CDC42EP2: variants seen among roughly 807,000 people sequenced by gnomAD.
CDC42EP2 encodes the protein CDC42 effector protein 2, also known as CDC42 effector protein (Rho GTPase binding) 2.
CDC42EP2 carries 5 observed loss-of-function variants against 7.3 expected under a neutral mutation model. That is an observed-to-expected ratio of 0.68 (90% CI 0.36 to 1.44). CDC42EP2 has a LOEUF of 1.44. Among genes scored for constraint, CDC42EP2 ranks in the 40% most tolerant of loss-of-function variants. CDC42EP2 has a pLI of 0.04. For missense variants in CDC42EP2, 251 were observed against 282.6 expected (o/e 0.89, Z 0.80); for synonymous variants, 113 against 123.6 (o/e 0.91, Z 0.57).
chr11:65,316,701 CTG>C (rs779864890), intron 1 of CDC42EP2, among the ~76,000 whole-genome samples: 10 of 152,196 alleles, frequency 6.6e-5, no homozygotes, highest in East Asian at 1.9e-4. Context: ...AGATGAGAAA[CTG>C]TGCGTGGCAA....
rs950066981 is a variant in CDC42EP2 at position 65,315,446 on chromosome 11, C to T, written c.-356+492C>T. Reference sequence around the variant, plus strand: ...CCCGTGGGAGGGGCGGGGGCCCGCACGCCCGAGCTCTGGCCCTGTGCCGAG... The same window carrying T: ...CCCGTGGGAGGGGCGGGGGCCCGCATGCCCGAGCTCTGGCCCTGTGCCGAG... On this transcript the variant is annotated intron_variant, in intron 1 of 1. Coordinates refer to ENST00000279249, the MANE Select transcript of CDC42EP2 (RefSeq NM_006779.4). The surrounding 1 kb of genome is among the most constrained non-coding windows in gnomAD (Gnocchi z 4.1). 6.6e-6 allele frequency among the ~76,000 whole-genome samples: 1 copy of T among 152,194 alleles called. No individual in the cohort carries two copies. The highest frequency in any genetic ancestry group is 1.5e-5 in the Non-Finnish European group (1 of 68,024).
In CDC42EP2 at chr11:65,315,646, T is replaced by C. The variant is rs535155489; in HGVS notation, c.-356+692T>C. 1.1e-4 allele frequency among the ~76,000 whole-genome samples: 16 copies of C among 152,328 alleles called. No homozygotes were observed. The highest frequency in any genetic ancestry group is 1.9e-4 in the Non-Finnish European group (13 of 68,020). ...ATCTGGTACTTGAACGCGCAGCTCC[T>C]TGGGGACCGCCTGCCTGGAGCCCGG... On this transcript the variant is annotated intron_variant, in intron 1 of 1. Coordinates refer to ENST00000279249, the MANE Select transcript of CDC42EP2 (RefSeq NM_006779.4). This position sits in a 1 kb window ranked among gnomAD's most constrained non-coding sequence, Gnocchi z 4.1.
In CDC42EP2 at chr11:65,321,451, G is replaced by C. The variant is rs145388901; in HGVS notation, c.553G>C (p.Val185Leu). The C allele has an allele frequency of 2.5e-6, 4 of 1,613,652 alleles. No homozygotes were observed. Among genetic ancestry groups the C allele is most frequent in the Non-Finnish European group, 3.4e-6 (4 of 1,179,994 alleles). The change falls in exon 2 of 2, where the codon GTG becomes CTG. Residue 185 changes from valine to leucine, a missense_variant. Coordinates refer to ENST00000279249, the MANE Select transcript of CDC42EP2 (RefSeq NM_006779.4). This position sits in a 1 kb window ranked among gnomAD's most constrained non-coding sequence, Gnocchi z 4.4. The part of the protein sequence containing the change: ...SNASSLLSLH[V>L]DLGPSILDDV... ...TGCCAGCTCCCTGCTGTCCCTGCAC[G>C]TGGACCTGGGGCCTTCCATCCTGGA...
In CDC42EP2 at chr11:65,315,289, T is replaced by C. The variant is rs1195568152; in HGVS notation, c.-356+335T>C. Among the ~76,000 whole-genome samples, 1 of 152,152 alleles carries C rather than the reference T, an allele frequency of 6.6e-6. No homozygotes were observed. Among genetic ancestry groups the C allele is most frequent in the Non-Finnish European group, 1.5e-5 (1 of 68,012 alleles). ...GGCTGGGGGCCGTATTTTTAGCCGATAGTGAGTTGTTCTCCTATCTTTAGC... is the reference window on the plus strand; with the variant it reads ...GGCTGGGGGCCGTATTTTTAGCCGACAGTGAGTTGTTCTCCTATCTTTAGC... On this transcript the variant is annotated intron_variant, in intron 1 of 1. Transcript: ENST00000279249. The surrounding 1 kb of genome is among the most constrained non-coding windows in gnomAD (Gnocchi z 4.1).
rs11333656 is a variant in CDC42EP2 at position 65,318,868 on chromosome 11, C to CTTT, written c.-355-1639_-355-1637dup. ...TACAGAAGTGAGCCACTGCACCTGA[C>CTTT]TTTTTTTTTTTTTTTTTTTTTTTTT... is the stretch of plus-strand genomic sequence containing the variant. On this transcript the variant is annotated intron_variant, in intron 1 of 1. Coordinates refer to ENST00000279249, the MANE Select transcript of CDC42EP2 (RefSeq NM_006779.4). Among the ~76,000 whole-genome samples, 12 of 25,578 alleles carry CTTT rather than the reference C, an allele frequency of 4.7e-4. 5 individuals are homozygous for CTTT. Among genetic ancestry groups the CTTT allele is most frequent in the Admixed American group, 1.3e-3 (2 of 1,558 alleles). The allele number at this position is 25,578 out of a possible 152,430, so 16.8% of individuals were successfully genotyped here.
At chr11:65,316,633 A>C (rs890745113) in intron 1 of CDC42EP2, among the ~76,000 whole-genome samples, 4 of 152,208 alleles carry the variant, frequency 2.6e-5, no homozygotes, top group Non-Finnish European at 5.9e-5. Flanking sequence ...TCTGAGGTTC[A>C]GCTTCGACTT....
rs1240799006 is a variant in CDC42EP2, at chr11:65,315,361, G to A, written c.-356+407G>A. On this transcript the variant is annotated intron_variant, in intron 1 of 1. Transcript: ENST00000279249. The surrounding 1 kb of genome is among the most constrained non-coding windows in gnomAD (Gnocchi z 4.1). ...ACGGATCCGGGCTGGGCTGGGCTCCGCCCGGGTAGGAGTGGGGAGGGGTCG... is the reference window on the plus strand; with the variant it reads ...ACGGATCCGGGCTGGGCTGGGCTCCACCCGGGTAGGAGTGGGGAGGGGTCG... Among the ~76,000 whole-genome samples the A allele has an allele frequency of 6.6e-6, 1 of 152,186 alleles. No individual in the cohort carries two copies. The highest frequency in any genetic ancestry group is 2.4e-5 in the African/African-American group (1 of 41,458).
Position 65,320,668 on chromosome 11 carries a change from C to CGT in CDC42EP2, c.-229_-228dup. On this transcript the variant is annotated 5_prime_UTR_variant, in exon 2 of 2. Transcript: ENST00000279249. ...AGAGTTTGCCGTCCTTTGGGGAGAACGTGATTTTTGTTATCTCAGCCCACT... is the reference window on the plus strand; with the variant it reads ...AGAGTTTGCCGTCCTTTGGGGAGAACGTGTGATTTTTGTTATCTCAGCCCACT... The CGT allele has an allele frequency of 3.7e-6, 2 of 538,216 alleles. No homozygotes were observed. Among genetic ancestry groups the CGT allele is most frequent in the Non-Finnish European group, 6.7e-6 (2 of 300,098 alleles). 33.3% of individuals were successfully genotyped at this position (538,216 alleles called of 1,614,324 possible).
At position 65,320,784 on chromosome 11, in the gene CDC42EP2, G is replaced by C; in HGVS notation, c.-115G>C. 8.8e-7 allele frequency: 1 copy of C among 1,134,220 alleles called. No homozygotes were observed. Among genetic ancestry groups the C allele is most frequent in the Middle Eastern group, 2.7e-4 (1 of 3,662 alleles). 70.3% of individuals were successfully genotyped at this position (1,134,220 alleles called of 1,614,324 possible). A position where few individuals can be genotyped will look rare whatever the true frequency, so the allele number is the denominator to read the frequency against. ...GCCAGAAGCCCGTTGGCGAGCTCTG[G>C]CACCTGCAAACCACCCCGTGGAACG... On this transcript the variant is annotated 5_prime_UTR_variant, in exon 2 of 2. Coordinates refer to ENST00000279249, the MANE Select transcript of CDC42EP2 (RefSeq NM_006779.4).
Position 65,321,184 on chromosome 11 carries a change from C to G in CDC42EP2, c.286C>G (p.Leu96Val). The G allele has an allele frequency of 2.5e-6, 4 of 1,614,064 alleles. No individual in the cohort carries two copies. The highest frequency in any genetic ancestry group is 3.4e-6 in the Non-Finnish European group (4 of 1,179,972). Residue 96 changes from leucine to valine, a missense_variant, in exon 2 of 2, where the codon CTC becomes GTC. Leu to Val is a conservative substitution (Grantham distance 32). Transcript: ENST00000279249. The surrounding 1 kb of genome is among the most constrained non-coding windows in gnomAD (Gnocchi z 4.4). ...TRTATVCGRELPDGPSPLLKN... is the reference protein window; with the variant it reads ...TRTATVCGREVPDGPSPLLKN... The stretch of plus-strand genomic sequence containing the variant: ...CACCGCCACCGTGTGTGGGCGGGAG[C>G]TCCCGGACGGCCCATCCCCTCTGCT...
In CDC42EP2 at chr11:65,321,155, C is replaced by T. The variant is rs751634350; in HGVS notation, c.257C>T (p.Thr86Ile). The T allele has an allele frequency of 6.2e-7, 1 of 1,614,130 alleles. No individual in the cohort carries two copies. The highest frequency in any genetic ancestry group is 8.5e-7 in the Non-Finnish European group (1 of 1,179,988). Residue 86 changes from threonine to isoleucine, a missense_variant, in exon 2 of 2, where the codon ACC becomes ATC. Transcript: ENST00000279249. This position sits in a 1 kb window ranked among gnomAD's most constrained non-coding sequence, Gnocchi z 4.4. ...ACCTTCGACCTCCCCTTCCAGTTCA[C>T]CCGCACCGCCACCGTGTGTGGGCGG... Reference protein sequence around the residue: ...DGTFDLPFQFTRTATVCGREL... With the variant: ...DGTFDLPFQFIRTATVCGREL...
At position 65,321,715 on chromosome 11, in the gene CDC42EP2, C is replaced by T; in HGVS notation, c.*184C>T. On this transcript the variant is annotated 3_prime_UTR_variant, in exon 2 of 2. Transcript: ENST00000279249. The surrounding 1 kb of genome is among the most constrained non-coding windows in gnomAD (Gnocchi z 4.4). Reference sequence around the variant, plus strand: ...TCCACGTGGGCAGGGCAGGCCCCATCGCTTTCCTCTGATAACCACATGGAC... The same window carrying T: ...TCCACGTGGGCAGGGCAGGCCCCATTGCTTTCCTCTGATAACCACATGGAC... 2 of 621,508 alleles carry T rather than the reference C, an allele frequency of 3.2e-6. No homozygotes were observed. The highest frequency in any genetic ancestry group is 2.2e-5 in the South Asian group (1 of 46,240). 38.5% of individuals were successfully genotyped at this position (621,508 alleles called of 1,614,324 possible).
At position 65,320,858 on chromosome 11, in the gene CDC42EP2, C is replaced by T. The variant is rs374784454; in HGVS notation, c.-41C>T. The stretch of plus-strand genomic sequence containing the variant: ...GGAGAGGAGGTGTGGTCTCAGCAGG[C>T]GGCCCGTAGCCTCACAGCCAGGCCT... On this transcript the variant is annotated 5_prime_UTR_variant, in exon 2 of 2. Transcript: ENST00000279249. The T allele has an allele frequency of 1.6e-5, 25 of 1,556,342 alleles. No individual in the cohort carries two copies. The highest frequency in any genetic ancestry group is 2.4e-5 in the South Asian group (2 of 82,584).
chr11:65,319,126 CCT>C (rs1447946931), intron 1 of CDC42EP2, among the ~76,000 whole-genome samples: 4 of 148,534 alleles, frequency 2.7e-5, no homozygotes, highest in African/African-American at 1.0e-4. Flanking sequence ...AATTTTGACA[CCT>C]CTGATTTTTT....
intron 1 of CDC42EP2, among the ~76,000 whole-genome samples, chr11:65,316,644 C>T (rs962227546): frequency 2.0e-5 from 3 of 152,174 alleles, no homozygotes; most frequent in East Asian, 1.9e-4. Flanking sequence ...GCTTCGACTT[C>T]TGTAAAGGGC....
At position 65,315,852 on chromosome 11, in the gene CDC42EP2, G is replaced by A. The variant is rs1949945344; in HGVS notation, c.-356+898G>A. On this transcript the variant is annotated intron_variant, in intron 1 of 1. Coordinates refer to ENST00000279249, the MANE Select transcript of CDC42EP2 (RefSeq NM_006779.4). The surrounding 1 kb of genome is among the most constrained non-coding windows in gnomAD (Gnocchi z 4.1). ...ATCCTCGAGGTCTAGGAGGGCGGGA[G>A]GAGGTGGACGCCTGGGGTCAGGAGC... Among the ~76,000 whole-genome samples the A allele has an allele frequency of 1.3e-5, 2 of 152,386 alleles. No homozygotes were observed. Among genetic ancestry groups the A allele is most frequent in the South Asian group, 2.1e-4 (1 of 4,832 alleles).
At position 65,315,508 on chromosome 11, in the gene CDC42EP2, G is replaced by A. The variant is rs61502141; in HGVS notation, c.-356+554G>A. On this transcript the variant is annotated intron_variant, in intron 1 of 1. Transcript: ENST00000279249. The surrounding 1 kb of genome is among the most constrained non-coding windows in gnomAD (Gnocchi z 4.1). ...ACATCGCCCAGGCCGGAAAGCACAG[G>A]GGGGAGGCTCCTCCCAGAGCTTGGA... 1.3e-5 allele frequency among the ~76,000 whole-genome samples: 2 copies of A among 152,236 alleles called. No homozygotes were observed. Among genetic ancestry groups the A allele is most frequent in the Non-Finnish European group, 2.9e-5 (2 of 68,034 alleles).
At chr11:65,320,232 C>T (rs1386857928) in intron 1 of CDC42EP2, among the ~76,000 whole-genome samples, 1 of 151,920 alleles carries the variant, frequency 6.6e-6, no homozygotes, top group Admixed American at 6.6e-5. Context: ...TTTGGGAGGC[C>T]GAGGCGGGCG....
At position 65,320,786 on chromosome 11, in the gene CDC42EP2, AC is replaced by A; in HGVS notation, c.-111del. The A allele has an allele frequency of 2.6e-6, 3 of 1,171,638 alleles. No homozygotes were observed. Among genetic ancestry groups the A allele is most frequent in the Non-Finnish European group, 3.6e-6 (3 of 840,664 alleles). 72.6% of individuals were successfully genotyped at this position (1,171,638 alleles called of 1,614,324 possible). ...CAGAAGCCCGTTGGCGAGCTCTGGCACCTGCAAACCACCCCGTGGAACGAGT... is the reference window on the plus strand; with the variant it reads ...CAGAAGCCCGTTGGCGAGCTCTGGCACTGCAAACCACCCCGTGGAACGAGT... On this transcript the variant is annotated 5_prime_UTR_variant, in exon 2 of 2. Coordinates refer to ENST00000279249, the MANE Select transcript of CDC42EP2 (RefSeq NM_006779.4).
Sources: allele counts gnomAD v4.1 joint callset (sites outside exome capture counted in the v4.1 genomes callset), GRCh38; gene constraint gnomAD v4.1.1; non-coding constraint Gnocchi (gnomAD v3.1); transcripts MANE v1.5; gene names NCBI Gene and HGNC (gene_info 2026-07-23, HGNC 2026-07-21).